The following IL17RD variants were observed in gnomAD, a reference collection of about 807,000 sequenced individuals.
The protein encoded by IL17RD is interleukin-17 receptor D.
In IL17RD, 52 loss-of-function variants were observed where a neutral mutation model predicts 80.5. That is an observed-to-expected ratio of 0.65 (90% CI 0.52 to 0.81). The LOEUF is 0.81. Among genes scored for constraint, IL17RD ranks in the 40% least tolerant of loss-of-function variants. The pLI, the probability that IL17RD is intolerant of heterozygous loss-of-function variation, is 0.00. For synonymous variants in IL17RD, 416 were observed against 391.8 expected (o/e 1.06, Z -0.73); for missense variants, 1,024 against 955.1 (o/e 1.07, Z -0.95).
intron 1 of IL17RD, among the ~76,000 whole-genome samples, chr3:57,160,792 C>G (rs1007611089): frequency 6.6e-6 from 1 of 152,220 alleles, no homozygotes; most frequent in Admixed American, 6.5e-5. Flanking sequence ...TTACAGCATG[C>G]GTATCCTCAA....
Position 57,127,412 on chromosome 3 carries a change from A to ATATATATTTT in IL17RD, c.127-7100_127-7099insAAAATATATA, listed in dbSNP as rs1246159104. Among the ~76,000 whole-genome samples the ATATATATTTT allele has an allele frequency of 1.4e-4, 13 of 91,190 alleles. 1 individual carries two copies. The highest frequency in any genetic ancestry group is 6.4e-4 in the African/African-American group (13 of 20,468). 59.8% of individuals were successfully genotyped at this position (91,190 alleles called of 152,430 possible). A position where few individuals can be genotyped will look rare whatever the true frequency, so the allele number is the denominator to read the frequency against. On this transcript the variant is annotated intron_variant, in intron 1 of 12. Transcript: ENST00000296318. ...AATAAATAAATATATATATATATATATTTTTTTTTTGAGATAAGAGTCTTG... is the reference window on the plus strand; with the variant it reads ...AATAAATAAATATATATATATATATATATATATTTTTTTTTTTTTTGAGATAAGAGTCTTG...
chr3:57,157,325 A>G (rs1016455296), intron 1 of IL17RD, among the ~76,000 whole-genome samples: 3 of 152,080 alleles, frequency 2.0e-5, no homozygotes, highest in Non-Finnish European at 4.4e-5. Flanking sequence ...TGGAGAGAGG[A>G]CGGGGAGTGC....
Position 57,098,045 on chromosome 3 carries a change from A to G in IL17RD, c.1658T>C (p.Ile553Thr). 2 of 1,614,040 alleles carry G rather than the reference A, an allele frequency of 1.2e-6. No individual in the cohort carries two copies. Among genetic ancestry groups the G allele is most frequent in the Non-Finnish European group, 1.7e-6 (2 of 1,179,902 alleles). ...TTCGAACCAGTCGGGCTCCTCGTCA[A>G]TAAACTGGTGCATGTTGCAAATGGC... The part of the protein sequence containing the change: ...YVAICNMHQF[I>T]DEEPDWFEKQ... The change falls in exon 12 of 13, where the codon ATT (isoleucine) becomes ACT (threonine). Residue 553 changes from isoleucine to threonine, a missense_variant. Coordinates refer to ENST00000296318, the MANE Select transcript of IL17RD (RefSeq NM_017563.5).
chr3:57,142,996 G>A (rs1371197400), intron 1 of IL17RD, among the ~76,000 whole-genome samples: 1 of 152,092 alleles, frequency 6.6e-6, no homozygotes, highest in African/African-American at 2.4e-5. Context: ...AGTATTGAAG[G>A]TAAATGAGTG....
chr3:57,128,247 C>G (rs1707535508), intron 1 of IL17RD, among the ~76,000 whole-genome samples: 1 of 152,140 alleles, frequency 6.6e-6, no homozygotes, highest in East Asian at 1.9e-4. Flanking sequence ...CCCAAAAAGA[C>G]CCGGAGATCT....
rs200269763 is a variant in IL17RD at position 57,109,595 on chromosome 3, G to A, written c.492C>T (p.Val164=). The A allele has an allele frequency of 1.9e-6, 3 of 1,613,212 alleles. No homozygotes were observed. Among genetic ancestry groups the A allele is most frequent in the Non-Finnish European group, 2.5e-6 (3 of 1,179,220 alleles). The change falls in exon 5 of 13, where the codon GTC becomes GTT. Residue 164 remains valine, a synonymous_variant. Transcript: ENST00000296318. ...KFETDYFVKV[V]PFPSIKNESN... ...TTTCGTTTTTAATGGAAGGAAAAGGGACAACCTTTACGAAATAATCCGTTT... is the reference window on the plus strand; with the variant it reads ...TTTCGTTTTTAATGGAAGGAAAAGGAACAACCTTTACGAAATAATCCGTTT...
At chr3:57,133,624 G>A (rs1293206051) in intron 1 of IL17RD, among the ~76,000 whole-genome samples, 1 of 152,096 alleles carries the variant, frequency 6.6e-6, no homozygotes, top group Non-Finnish European at 1.5e-5. Flanking sequence ...CTTTTTTGTG[G>A]GTGAAGAAGG....
chr3:57,105,552 A>AAAAAAAAAAAAAATATATATATAT, intron 7 of IL17RD, among the ~76,000 whole-genome samples: 6 of 63,588 alleles, frequency 9.4e-5, no homozygotes, highest in Middle Eastern at 0.012. Flanking sequence ...AAAAAAAAAA[A>AAAAAAAAAAAAAATATATATATAT]ATATATATAT....
chr3:57,120,006 A>AC (rs1475859699), intron 2 of IL17RD, among the ~76,000 whole-genome samples: 1 of 152,092 alleles, frequency 6.6e-6, no homozygotes, highest in African/African-American at 2.4e-5. Flanking sequence ...ATGCAGATAA[A>AC]CCCCAAGGAA....
At chr3:57,106,751 C>T (rs549632239) in intron 5 of IL17RD, among the ~76,000 whole-genome samples, 1 of 152,246 alleles carries the variant, frequency 6.6e-6, no homozygotes, top group African/African-American at 2.4e-5. Flanking sequence ...ATGAGAGAGG[C>T]CAAACAGCTA....
At chr3:57,163,443 C>A (rs904218253) in intron 1 of IL17RD, among the ~76,000 whole-genome samples, 3 of 152,126 alleles carry the variant, frequency 2.0e-5, no homozygotes, top group Non-Finnish European at 2.9e-5. Context: ...CACTACCATA[C>A]CCCACAGCAT....
intron 5 of IL17RD, among the ~76,000 whole-genome samples, chr3:57,109,175 A>C (rs751025841): frequency 1.3e-5 from 2 of 151,998 alleles, no homozygotes; most frequent in Non-Finnish European, 2.9e-5. Flanking sequence ...CTGAGATGGA[A>C]TCTTGCTCTA....
At chr3:57,157,148 G>T (rs1579322156) in intron 1 of IL17RD, among the ~76,000 whole-genome samples, 1 of 152,150 alleles carries the variant, frequency 6.6e-6, no homozygotes, top group Admixed American at 6.5e-5. Flanking sequence ...AAAAGCCAGA[G>T]ATACTGGGAA....
At chr3:57,134,389 C>T (rs1707676965) in intron 1 of IL17RD, 2 of 703,646 alleles carry the variant, frequency 2.8e-6, no homozygotes. Flanking sequence ...AAGGGTACAG[C>T]CAATGCCCAA....
intron 12 of IL17RD, among the ~76,000 whole-genome samples, chr3:57,096,775 C>T (rs1047655761): frequency 1.1e-4 from 16 of 152,146 alleles, no homozygotes; most frequent in South Asian, 1.0e-3. Flanking sequence ...TTTGGGAGGC[C>T]GAGGTTGAGG....
intron 2 of IL17RD, among the ~76,000 whole-genome samples, chr3:57,118,005 G>C (rs777802529): frequency 2.0e-4 from 31 of 152,150 alleles, no homozygotes; most frequent in Non-Finnish European, 3.8e-4. Flanking sequence ...ATACTTTAAA[G>C]TTTTACACGG....
rs145388838 is a variant in IL17RD at position 57,098,447 on chromosome 3, A to G, written c.1256T>C (p.Ile419Thr). 193 of 1,613,874 alleles carry G rather than the reference A, an allele frequency of 1.2e-4. No homozygotes were observed. The highest frequency in any genetic ancestry group is 1.5e-4 in the Non-Finnish European group (173 of 1,179,894). The change falls in exon 12 of 13, where the codon ATT becomes ACT. Residue 419 changes from isoleucine to threonine, a missense_variant. Transcript: ENST00000296318. ...CTTCATACCTTTGGAACAAACCACA[A>G]TGATGAACTGGGACTCGTGGATCTT... is the stretch of plus-strand genomic sequence containing the variant. ...IQKIHESQFI[I>T]VVCSKGMKYF...
At chr3:57,116,961 A>T (rs2107493940) in intron 2 of IL17RD, among the ~76,000 whole-genome samples, 1 of 151,868 alleles carries the variant, frequency 6.6e-6, no homozygotes, top group East Asian at 1.9e-4. Flanking sequence ...ATTGTGGTCC[A>T]TAATGAAAGA....
At chr3:57,118,965 G>A (rs144039390) in intron 2 of IL17RD, among the ~76,000 whole-genome samples, 2 of 152,254 alleles carry the variant, frequency 1.3e-5, no homozygotes, top group East Asian at 3.9e-4. Context: ...CAGCACTTTG[G>A]GAGGCAGAGG....
Sources: allele counts gnomAD v4.1 joint callset (sites outside exome capture counted in the v4.1 genomes callset), GRCh38; gene constraint gnomAD v4.1.1; transcripts MANE v1.5; gene names NCBI Gene and HGNC (gene_info 2026-07-23, HGNC 2026-07-21).